OLA1: variants seen among roughly 807,000 people sequenced by gnomAD.
The protein encoded by OLA1 is Obg like ATPase 1, also known as obg-like ATPase 1.
A neutral mutation model predicts 48.4 loss-of-function variants in OLA1; 14 were observed. The observed-to-expected ratio is 0.29, with a 90% CI of 0.19 to 0.45. The LOEUF is 0.45. Ranked by LOEUF, OLA1 falls within the 20% of genes least tolerant of loss-of-function variation. The pLI, the probability that OLA1 is intolerant of heterozygous loss-of-function variation, is 1.00. For missense variants in OLA1, 325 were observed against 467.1 expected (o/e 0.70, Z 2.80); for synonymous variants, 127 against 150.4 (o/e 0.84, Z 1.14).
intron 2 of OLA1, among the ~76,000 whole-genome samples, chr2:174,244,471 T>C (rs893531948): frequency 8.5e-5 from 13 of 152,198 alleles, no homozygotes; most frequent in African/African-American, 3.1e-4. Flanking sequence ...TGGTCGTCCC[T>C]CCATAGCTGC....
At chr2:174,105,053 A>G (rs987552527) in intron 7 of OLA1, among the ~76,000 whole-genome samples, 11 of 152,046 alleles carry the variant, frequency 7.2e-5, no homozygotes, top group Non-Finnish European at 1.3e-4. Context: ...GAAAAAATTA[A>G]ATGATGTTAA....
chr2:174,228,266 A>G (rs918872763), intron 3 of OLA1, among the ~76,000 whole-genome samples: 1 of 152,232 alleles, frequency 6.6e-6, no homozygotes, highest in African/African-American at 2.4e-5. Context: ...TATTATCAAT[A>G]ATAAGCAAAT....
chr2:174,204,166 C>T (rs1688056444), intron 4 of OLA1, among the ~76,000 whole-genome samples: 1 of 151,640 alleles, frequency 6.6e-6, no homozygotes, highest in Non-Finnish European at 1.5e-5. Context: ...CTTTGGGAGG[C>T]CGAGGCGGGC....
chr2:174,226,825 G>C (rs1688627181), intron 3 of OLA1, among the ~76,000 whole-genome samples: 2 of 152,234 alleles, frequency 1.3e-5, no homozygotes, highest in South Asian at 4.1e-4. Context: ...ATAGAAACAG[G>C]CTGGTGGGGC....
intron 4 of OLA1, among the ~76,000 whole-genome samples, chr2:174,204,092 CA>C (rs908197574): frequency 6.3e-4 from 96 of 151,270 alleles, no homozygotes; most frequent in African/African-American, 2.1e-3. Context: ...TGTGCCCAGC[CA>C]GTAATTATTT....
intron 7 of OLA1, 47 bp from the exon 8 acceptor site, chr2:174,082,111 CTG>C: frequency 1.3e-6 from 2 of 1,578,278 alleles, no homozygotes; most frequent in South Asian, 1.1e-5. Context: ...GCATGCATGA[CTG>C]TACCACATTC....
intron 7 of OLA1, among the ~76,000 whole-genome samples, chr2:174,105,707 C>A (rs1685499245): frequency 1.3e-5 from 2 of 151,980 alleles, no homozygotes; most frequent in African/African-American, 4.8e-5. Flanking sequence ...TTACTTTTCT[C>A]ACTGGTTATT....
chr2:174,119,942 CACACACACACACAA>C lies in OLA1; in HGVS notation c.728+3224_728+3237del, dbSNP rs927663888. Reference sequence around the variant, plus strand: ...AGGGCATATGAAAATGTGTGTATAACACACACACACACAAACACACACACACACACACACACAGT... The same window carrying C: ...AGGGCATATGAAAATGTGTGTATAACACACACACACACACACACACACAGT... On this transcript the variant is annotated intron_variant, in intron 7 of 10. Transcript: ENST00000284719. 2.4e-5 allele frequency among the ~76,000 whole-genome samples: 3 copies of C among 122,764 alleles called. No homozygotes were observed. In the Admixed American group the frequency reaches 2.5e-4, roughly 10 times the overall value. 80.5% of individuals were successfully genotyped at this position (122,764 alleles called of 152,430 possible).
At chr2:174,099,430 AG>A (rs1685339254) in intron 7 of OLA1, among the ~76,000 whole-genome samples, 1 of 152,236 alleles carries the variant, frequency 6.6e-6, no homozygotes, top group Non-Finnish European at 1.5e-5. Context: ...CTGGGGTTAC[AG>A]GCGTGAGCCA....
chr2:174,145,784 TATTC>T (rs1239227194), intron 4 of OLA1, among the ~76,000 whole-genome samples: 1 of 152,262 alleles, frequency 6.6e-6, no homozygotes, highest in Non-Finnish European at 1.5e-5. Context: ...AACAATCATA[TATTC>T]TGGTAAAATA....
chr2:174,083,068 A>C (rs1558945118), intron 7 of OLA1, among the ~76,000 whole-genome samples: 1 of 152,170 alleles, frequency 6.6e-6, no homozygotes, highest in Non-Finnish European at 1.5e-5. Context: ...TCCTTCTCAG[A>C]TAATCATAGC....
At chr2:174,076,844 CAT>C (rs1215412394) in intron 10 of OLA1, among the ~76,000 whole-genome samples, 25 of 151,570 alleles carry the variant, frequency 1.6e-4, no homozygotes, top group East Asian at 3.9e-4. Flanking sequence ...CATATTTTCA[CAT>C]GTTTTTATAA....
chr2:174,086,841 G>C (rs1684988021), intron 7 of OLA1, among the ~76,000 whole-genome samples: 2 of 152,132 alleles, frequency 1.3e-5, no homozygotes, highest in African/African-American at 2.4e-5. Flanking sequence ...GACTGCGGTT[G>C]ACAGCGGGAA....
Position 174,163,697 on chromosome 2 carries a change from A to AAAATAAAT in OLA1, c.374-21705_374-21698dup, listed in dbSNP as rs1338891448. On this transcript the variant is annotated intron_variant, in intron 4 of 10. Transcript: ENST00000284719. ...AAGAACGAGACCTTGTCTCAAAAAT[A>AAAATAAAT]AAATAAATAAATAAATATATATATA... Among the ~76,000 whole-genome samples the AAAATAAAT allele has an allele frequency of 3.8e-3, 246 of 64,034 alleles. 18 individuals carry two copies. Among genetic ancestry groups the AAAATAAAT allele is most frequent in the East Asian group, 0.033 (54 of 1,650 alleles). The allele number at this position is 64,034 out of a possible 152,430, so 42.0% of individuals were successfully genotyped here. A position where few individuals can be genotyped will look rare whatever the true frequency, so the allele number is the denominator to read the frequency against.
chr2:174,226,553 G>A, intron 3 of OLA1, among the ~76,000 whole-genome samples: 1 of 151,824 alleles, frequency 6.6e-6, no homozygotes, highest in East Asian at 1.9e-4. Context: ...AGGCTGGAGT[G>A]TAATGGCGCC....
intron 2 of OLA1, among the ~76,000 whole-genome samples, chr2:174,241,552 T>A (rs1689003597): frequency 6.6e-6 from 1 of 152,218 alleles, no homozygotes; most frequent in Admixed American, 6.5e-5. Flanking sequence ...AGACAATTAC[T>A]CTCCTGGGGC....
intron 1 of OLA1, chr2:174,248,182 C>T (rs1347298750): frequency 1.2e-5 from 2 of 161,634 alleles, no homozygotes; most frequent in Admixed American, 6.1e-5. Flanking sequence ...GTGGGCCCCA[C>T]CCCCCATCCT....
At chr2:174,216,735 T>C (rs1451567861) in intron 4 of OLA1, among the ~76,000 whole-genome samples, 3 of 151,960 alleles carry the variant, frequency 2.0e-5, no homozygotes, top group African/African-American at 7.3e-5. Context: ...CTTTTGTAGA[T>C]GTGGATCTCT....
rs76444860 is a variant in OLA1, at chr2:174,183,051, G to A, written c.373+39982C>T. 4.0e-3 allele frequency among the ~76,000 whole-genome samples: 607 copies of A among 151,708 alleles called. 2 individuals carry two copies. The highest frequency in any genetic ancestry group is 0.014 in the Middle Eastern group (4 of 294). ...GTGGCTCCATACGATCTCTAAAAAC[G>A]TCATTTTTTTTTAAAAGTCCAGTAT... is the stretch of plus-strand genomic sequence containing the variant. On this transcript the variant is annotated intron_variant, in intron 4 of 10. Coordinates refer to ENST00000284719, the MANE Select transcript of OLA1 (RefSeq NM_013341.5).
Sources: allele counts gnomAD v4.1 joint callset (sites outside exome capture counted in the v4.1 genomes callset), GRCh38; gene constraint gnomAD v4.1.1; transcripts MANE v1.5; gene names NCBI Gene and HGNC (gene_info 2026-07-23, HGNC 2026-07-21).